IMMP2L: variants seen among roughly 807,000 people sequenced by gnomAD.
IMMP2L encodes the protein mitochondrial inner membrane protease subunit 2.
Under a neutral mutation model 19.3 loss-of-function variants are expected in IMMP2L, and 18 were observed. That is an observed-to-expected ratio of 0.93 (90% CI 0.64 to 1.38). The LOEUF (loss-of-function observed/expected upper bound fraction) is 1.38, where lower values mean the gene tolerates loss of function less well. IMMP2L is among the 40% of genes most tolerant of loss of function. IMMP2L has a pLI of 0.00. For missense variants in IMMP2L, 233 were observed against 218.2 expected, an observed-to-expected ratio of 1.07 and a Z score of -0.43; for synonymous variants, 76 against 73.0, an observed-to-expected ratio of 1.04 and a Z score of -0.21.
At chr7:111,236,506 G>A (rs1389164096) in intron 3 of IMMP2L, among the ~76,000 whole-genome samples, 1 of 152,120 alleles carries the variant, frequency 6.6e-6, no homozygotes, top group African/African-American at 2.4e-5. Context: ...ATAATTCCCA[G>A]CCCTGTATAA....
intron 3 of IMMP2L, among the ~76,000 whole-genome samples, chr7:111,109,661 A>C (rs775008976): frequency 3.9e-5 from 6 of 152,214 alleles, no homozygotes; most frequent in Admixed American, 6.5e-5. Context: ...TATCACCTGT[A>C]AAGTGGGTAT....
intron 5 of IMMP2L, among the ~76,000 whole-genome samples, chr7:110,848,665 T>TC (rs1219735910): frequency 6.6e-6 from 1 of 152,158 alleles, no homozygotes; most frequent in Non-Finnish European, 1.5e-5. Flanking sequence ...AACATGTCTT[T>TC]CAGCAGGTAA....
chr7:110,807,818 C>T (rs186078471), intron 5 of IMMP2L, among the ~76,000 whole-genome samples: 2 of 152,070 alleles, frequency 1.3e-5, no homozygotes, highest in East Asian at 3.9e-4. Flanking sequence ...AAACTGGCCC[C>T]CAGCTAAACC....
intron 3 of IMMP2L, among the ~76,000 whole-genome samples, chr7:111,206,395 T>G (rs1810710684): frequency 6.6e-6 from 1 of 152,188 alleles, no homozygotes; most frequent in Non-Finnish European, 1.5e-5. Context: ...GCCTTTCAAT[T>G]AGTTCCCCCA....
At chr7:110,672,950 G>A (rs1792025097) in intron 5 of IMMP2L, among the ~76,000 whole-genome samples, 1 of 152,170 alleles carries the variant, frequency 6.6e-6, no homozygotes, top group Non-Finnish European at 1.5e-5. Flanking sequence ...TTGGGGTCTG[G>A]AGGATGGTGG....
At chr7:110,889,896 A>AT (rs1810616828) in intron 4 of IMMP2L, among the ~76,000 whole-genome samples, 2 of 152,214 alleles carry the variant, frequency 1.3e-5, no homozygotes, top group African/African-American at 4.8e-5. Context: ...TAAACACTTG[A>AT]TAAGTGGATT....
rs528720656 is a variant in IMMP2L at position 111,096,693 on chromosome 7, G to C, written c.240-133128C>G. On this transcript the variant is annotated intron_variant, in intron 3 of 5. Transcript: ENST00000405709. Reference sequence around the variant, plus strand: ...GAGTAAATTATTTAGGGATTTTCCAGGTTACTAAAAATTATGAACAAAGTC... The same window carrying C: ...GAGTAAATTATTTAGGGATTTTCCACGTTACTAAAAATTATGAACAAAGTC... Among the ~76,000 whole-genome samples, 3 of 151,830 alleles carry C rather than the reference G, an allele frequency of 2.0e-5. No individual in the cohort carries two copies. The East Asian group carries it at 5.8e-4, about 30-fold the overall frequency.
At chr7:110,938,441 A>T (rs1481337096) in intron 4 of IMMP2L, among the ~76,000 whole-genome samples, 1 of 152,202 alleles carries the variant, frequency 6.6e-6, no homozygotes, top group African/African-American at 2.4e-5. Flanking sequence ...TTTCTGAGCT[A>T]GACTGGACAG....
At chr7:111,250,708 A>G (rs986678481) in intron 3 of IMMP2L, among the ~76,000 whole-genome samples, 8 of 152,166 alleles carry the variant, frequency 5.3e-5, no homozygotes, top group Non-Finnish European at 1.5e-5. Flanking sequence ...CATATGCAGA[A>G]AATTAAAACT....
At chr7:110,700,050 T>C (rs557245663) in intron 5 of IMMP2L, among the ~76,000 whole-genome samples, 98 of 152,306 alleles carry the variant, frequency 6.4e-4, no homozygotes, top group African/African-American at 2.3e-3. Flanking sequence ...GTCAAGCCTC[T>C]GGATAACAAC....
At chr7:111,324,379 T>C (rs1008891355) in intron 3 of IMMP2L, among the ~76,000 whole-genome samples, 1 of 151,934 alleles carries the variant, frequency 6.6e-6, no homozygotes, top group Non-Finnish European at 1.5e-5. Context: ...TAAAATTTCA[T>C]TTGGCAAAAC....
chr7:111,556,035 T>TATATATATATACACAC (rs1554550178), intron 1 of IMMP2L, among the ~76,000 whole-genome samples: 4 of 135,700 alleles, frequency 2.9e-5, no homozygotes, highest in African/African-American at 1.1e-4. Context: ...TATATATATA[T>TATATATATATACACAC]ACATACCCAA....
chr7:110,800,043 T>C (rs538508755), intron 5 of IMMP2L, among the ~76,000 whole-genome samples: 1 of 152,218 alleles, frequency 6.6e-6, no homozygotes, highest in Non-Finnish European at 1.5e-5. Context: ...GTGTAAAATA[T>C]TTATTAATCT....
chr7:111,202,140 C>G (rs928651034), intron 3 of IMMP2L, among the ~76,000 whole-genome samples: 13 of 152,106 alleles, frequency 8.5e-5, no homozygotes, highest in African/African-American at 3.1e-4. Context: ...TCATTCAAAG[C>G]GTAATTGTCA....
At chr7:110,840,139 C>G (rs1804921455) in intron 5 of IMMP2L, among the ~76,000 whole-genome samples, 1 of 152,102 alleles carries the variant, frequency 6.6e-6, no homozygotes, top group African/African-American at 2.4e-5. Flanking sequence ...TAGAAGTTCC[C>G]TCCTATAGCT....
chr7:110,684,277 C>G (rs1792946351), intron 5 of IMMP2L, among the ~76,000 whole-genome samples: 2 of 151,974 alleles, frequency 1.3e-5, no homozygotes, highest in Non-Finnish European at 2.9e-5. Context: ...GTAGACTGAA[C>G]AGCAATAAGT....
intron 5 of IMMP2L, among the ~76,000 whole-genome samples, chr7:110,854,422 T>C (rs1806542003): frequency 6.6e-6 from 1 of 151,904 alleles, no homozygotes; most frequent in South Asian, 2.1e-4. Flanking sequence ...TTTATTAATA[T>C]AAAATTCTGG....
chr7:110,756,161 G>A (rs1798029335), intron 5 of IMMP2L, among the ~76,000 whole-genome samples: 1 of 152,034 alleles, frequency 6.6e-6, no homozygotes, highest in Non-Finnish European at 1.5e-5. Context: ...GTGGAGATAA[G>A]AAGGAAGATG....
At chr7:110,891,050 T>C (rs1810742167) in intron 4 of IMMP2L, among the ~76,000 whole-genome samples, 1 of 152,072 alleles carries the variant, frequency 6.6e-6, no homozygotes, top group African/African-American at 2.4e-5. Flanking sequence ...TATTTCTTTA[T>C]TTTTCAAATT....
Sources: allele counts gnomAD v4.1 joint callset (sites outside exome capture counted in the v4.1 genomes callset), GRCh38; gene constraint gnomAD v4.1.1; transcripts MANE v1.5; gene names NCBI Gene and HGNC (gene_info 2026-07-23, HGNC 2026-07-21).